CASK: variants seen among roughly 807,000 people sequenced by gnomAD.
The protein encoded by CASK is calcium/calmodulin dependent serine protein kinase, also known as peripheral plasma membrane protein CASK.
CASK carries 4 observed loss-of-function variants against 82.9 expected under a neutral mutation model. That is an observed-to-expected ratio of 0.05 (90% CI 0.02 to 0.11). The LOEUF (loss-of-function observed/expected upper bound fraction) is 0.11, where lower values mean the gene tolerates loss of function less well. CASK is among the 10% of genes least tolerant of loss of function. CASK has a pLI of 1.00. For missense variants in CASK, 358 were observed against 720.9 expected (o/e 0.50, Z 5.76); for synonymous variants, 259 against 253.5 (o/e 1.02, Z -0.20).
chrX:41,724,836 T>C (rs935693151), intron 5 of CASK, among the ~76,000 whole-genome samples: 4 of 112,088 alleles, frequency 3.6e-5, no homozygotes, highest in African/African-American at 6.5e-5. Flanking sequence ...CCATTACCTT[T>C]GCAGTTTTTA....
chrX:41,531,855 C>A (rs2064807890), intron 24 of CASK, among the ~76,000 whole-genome samples: 2 of 112,147 alleles, frequency 1.8e-5, no homozygotes. Context: ...CCAGACATAC[C>A]CATAATTATT....
chrX:41,743,628 C>T, intron 4 of CASK: 2 of 296,436 alleles, frequency 6.7e-6, no homozygotes, highest in Non-Finnish European at 5.9e-6. Flanking sequence ...CCTTGCTCTT[C>T]AGCCAGAAGG....
At chrX:41,671,380 G>A (rs753547075) in intron 6 of CASK, 48 bp downstream of exon 6, 7 of 774,512 alleles carry the variant, frequency 9.0e-6, no homozygotes, top group Non-Finnish European at 1.2e-5. Context: ...TATACCAGTC[G>A]CAAGTGACCA....
intron 5 of CASK, among the ~76,000 whole-genome samples, chrX:41,701,229 A>G (rs1308228608): frequency 8.9e-6 from 1 of 111,967 alleles, no homozygotes; most frequent in African/African-American, 3.2e-5. Context: ...ATGAGACCAT[A>G]AAAGATTAAA....
intron 5 of CASK, among the ~76,000 whole-genome samples, chrX:41,701,160 G>T (rs901794033): frequency 4.5e-5 from 5 of 110,253 alleles, no homozygotes; most frequent in Non-Finnish European, 9.4e-5. Context: ...CCAATTTACA[G>T]CCTTACCTTT....
At chrX:41,827,077 C>T (rs2070684861) in intron 2 of CASK, among the ~76,000 whole-genome samples, 1 of 111,425 alleles carries the variant, frequency 9.0e-6, no homozygotes, top group Admixed American at 9.5e-5. Flanking sequence ...AAAGAGATAC[C>T]ATATAAAATT....
At chrX:41,566,208 C>T (rs1254220439) in intron 16 of CASK, among the ~76,000 whole-genome samples, 1 of 111,837 alleles carries the variant, frequency 8.9e-6, no homozygotes, top group African/African-American at 3.3e-5. Context: ...CACTCCTATT[C>T]AACATAGTGT....
At chrX:41,566,875 C>G (rs1467552491) in intron 16 of CASK, among the ~76,000 whole-genome samples, 6 of 111,449 alleles carry the variant, frequency 5.4e-5, no homozygotes, top group East Asian at 2.8e-4. Context: ...GCATGGTACT[C>G]GTACCAAAAC....
intron 5 of CASK, among the ~76,000 whole-genome samples, chrX:41,678,451 T>A (rs955450099): frequency 8.9e-6 from 1 of 112,320 alleles, no homozygotes; most frequent in African/African-American, 3.2e-5. Context: ...TGTAAATTTG[T>A]AGTTAGATCT....
chrX:41,854,646 A>T (rs1302520058), intron 1 of CASK, among the ~76,000 whole-genome samples: 4 of 112,392 alleles, frequency 3.6e-5, no homozygotes, highest in African/African-American at 1.3e-4. Context: ...GAACTACTAA[A>T]TTTAATCTTA....
intron 11 of CASK, among the ~76,000 whole-genome samples, chrX:41,622,188 A>G (rs759056526): frequency 8.9e-6 from 1 of 112,634 alleles, no homozygotes; most frequent in East Asian, 2.8e-4. Context: ...CACAGGTCCA[A>G]ATAAACTGAA....
At chrX:41,581,614 TGTAA>T (rs1398775074) in intron 14 of CASK, among the ~76,000 whole-genome samples, 7 of 110,292 alleles carry the variant, frequency 6.3e-5, no homozygotes, top group Non-Finnish European at 1.1e-4. Context: ...ATAAAAAAAT[TGTAA>T]GTATTAACAT....
At chrX:41,570,866 T>C (rs1325788867) in intron 15 of CASK, 3 of 112,081 alleles carry the variant, frequency 2.7e-5, no homozygotes, top group Admixed American at 9.5e-5. Flanking sequence ...TGGGCTATTA[T>C]AAGTAAAGCT....
chrX:41,548,789 T>C (rs1005349714), intron 21 of CASK, among the ~76,000 whole-genome samples: 1 of 112,125 alleles, frequency 8.9e-6, no homozygotes, highest in African/African-American at 3.2e-5. Context: ...TATGTTACAA[T>C]GTAGAGAGTA....
At chrX:41,639,768 A>G (rs760479462) in intron 8 of CASK, among the ~76,000 whole-genome samples, 3 of 111,731 alleles carry the variant, frequency 2.7e-5, no homozygotes, top group Non-Finnish European at 5.6e-5. Context: ...CCAGTCAGCC[A>G]CTGATCTACT....
At chrX:41,722,125 C>T (rs2068178395) in intron 5 of CASK, among the ~76,000 whole-genome samples, 1 of 112,448 alleles carries the variant, frequency 8.9e-6, no homozygotes, top group Non-Finnish European at 1.9e-5. Context: ...AGTGTAAGAA[C>T]TGGCAAAACT....
At chrX:41,593,875 C>T (rs769295732) in intron 12 of CASK, among the ~76,000 whole-genome samples, 2 of 112,206 alleles carry the variant, frequency 1.8e-5, no homozygotes, top group South Asian at 7.3e-4. Context: ...TTCTCATTCT[C>T]ATGGGTCATC....
chrX:41,843,555 CATA>C (rs1308635168), intron 2 of CASK, among the ~76,000 whole-genome samples: 1 of 111,902 alleles, frequency 8.9e-6, no homozygotes, highest in Non-Finnish European at 1.9e-5. Context: ...ATTAACTTAT[CATA>C]CAATTTGTCC....
Position 41,665,373 on chromosome X carries a change from C to A in CASK, c.612G>T (p.Gly204=), listed in dbSNP as rs761992730. 2.1e-5 allele frequency: 25 copies of A among 1,206,190 alleles called. No individual in the cohort carries two copies. In the East Asian group the frequency reaches 7.1e-4, roughly 34 times the overall value. Residue 204 remains glycine (G), a synonymous_variant, in exon 7 of 27, where the codon GGG becomes GGT. Coordinates refer to ENST00000378163, the MANE Select transcript of CASK (RefSeq NM_001367721.1). ...GCAGGATAAAAAGGATCACACCGCA[C>A]CCCCAGACGTCTACAGGCTTTCCGT... The part of the protein sequence containing the change: ...EPYGKPVDVW[G]CGVILFILLS...
Sources: allele counts gnomAD v4.1 joint callset (sites outside exome capture counted in the v4.1 genomes callset), GRCh38; gene constraint gnomAD v4.1.1; transcripts MANE v1.5; gene names NCBI Gene and HGNC (gene_info 2026-07-23, HGNC 2026-07-21).